The following NRBF2 variants were observed in gnomAD, a reference collection of about 807,000 sequenced individuals.
The protein encoded by NRBF2 is nuclear receptor-binding factor 2.
Under a neutral mutation model 28.5 loss-of-function variants are expected in NRBF2, and 12 were observed. The ratio of observed to expected loss-of-function variants is 0.42; its 90% CI spans 0.27 to 0.68. The LOEUF (loss-of-function observed/expected upper bound fraction) is 0.68. Among genes scored for constraint, NRBF2 ranks in the 30% least tolerant of loss-of-function variants. NRBF2 has a pLI of 0.24. For missense variants in NRBF2, 274 were observed against 333.5 expected (o/e 0.82, Z 1.39); for synonymous variants, 102 against 116.5 (o/e 0.88, Z 0.80).
At chr10:63,147,144 T>C (rs901981631) in intron 2 of NRBF2, among the ~76,000 whole-genome samples, 1 of 152,160 alleles carries the variant, frequency 6.6e-6, no homozygotes, top group African/African-American at 2.4e-5. Flanking sequence ...GGCAGGCATG[T>C]TCCTTTCCCT....
chr10:63,153,722 C>T lies in NRBF2; in HGVS notation c.368C>T (p.Thr123Ile). The T allele has an allele frequency of 6.2e-7, 1 of 1,612,462 alleles. No homozygotes were observed. The highest frequency in any genetic ancestry group is 8.5e-7 in the Non-Finnish European group (1 of 1,179,700). ...CTTTCTCAGAAGTACAGCCCTTCCA[C>T]AGAGAAATGCCTGCCTGAGATTCAG... ...SPLSQKYSPS[T>I]EKCLPEIQGI... Residue 123 changes from threonine (T) to isoleucine (I), a missense_variant, in exon 4 of 4, where the codon ACA becomes ATA. Thr to Ile is a moderately conservative substitution (Grantham distance 89). Coordinates refer to ENST00000277746, the MANE Select transcript of NRBF2 (RefSeq NM_030759.5).
intron 3 of NRBF2, among the ~76,000 whole-genome samples, chr10:63,152,888 T>C (rs929206180): frequency 6.6e-6 from 1 of 152,300 alleles, no homozygotes; most frequent in South Asian, 2.1e-4. Flanking sequence ...TTCTAGCTAC[T>C]TGGGAGGTTG....
At chr10:63,143,459 A>G (rs767398070) in intron 1 of NRBF2, among the ~76,000 whole-genome samples, 58 of 152,162 alleles carry the variant, frequency 3.8e-4, no homozygotes, top group Non-Finnish European at 4.6e-4. Flanking sequence ...CTGACAGAAC[A>G]GATTTGTTTT....
chr10:63,146,977 G>A (rs984449328), intron 2 of NRBF2, among the ~76,000 whole-genome samples: 1 of 152,106 alleles, frequency 6.6e-6, no homozygotes, highest in Non-Finnish European at 1.5e-5. Flanking sequence ...TGTTGGCTGA[G>A]TAACCAAAAA....
chr10:63,152,785 C>T (rs1354444031), intron 3 of NRBF2, among the ~76,000 whole-genome samples: 2 of 152,098 alleles, frequency 1.3e-5, no homozygotes, highest in Admixed American at 1.3e-4. Context: ...TCACTTGAGC[C>T]CAGGAGTTCG....
Position 63,152,202 on chromosome 10 carries a change from TC to T in NRBF2, c.156+15del. 2 of 1,611,184 alleles carry T rather than the reference TC, an allele frequency of 1.2e-6. No individual in the cohort carries two copies. The highest frequency in any genetic ancestry group is 1.7e-6 in the Non-Finnish European group (2 of 1,177,616). ...CACAGTCAGAGCAGGTGAGACATAT[TC>T]CCAATATTTGCGACAAGGGTTAGAA... On this transcript the variant is annotated intron_variant, in intron 3 of 3. Coordinates refer to ENST00000277746, the MANE Select transcript of NRBF2 (RefSeq NM_030759.5).
chr10:63,140,705 C>CTTT (rs201387308), intron 1 of NRBF2, among the ~76,000 whole-genome samples: 1 of 144,964 alleles, frequency 6.9e-6, no homozygotes, highest in South Asian at 2.2e-4. Context: ...CAGCCTATTA[C>CTTT]TTTTTTTTTT....
chr10:63,142,830 G>C (rs1841498035), intron 1 of NRBF2, among the ~76,000 whole-genome samples: 1 of 116,348 alleles, frequency 8.6e-6, no homozygotes, highest in Non-Finnish European at 1.6e-5. Context: ...GCCCAGGCTA[G>C]AGTGCAGTAG....
chr10:63,144,354 T>C (rs1483568721), intron 1 of NRBF2, among the ~76,000 whole-genome samples: 1 of 152,198 alleles, frequency 6.6e-6, no homozygotes, highest in Non-Finnish European at 1.5e-5. Context: ...GACTGGCTTA[T>C]TTTATTCAGT....
intron 2 of NRBF2, among the ~76,000 whole-genome samples, chr10:63,151,488 T>C (rs1056115349): frequency 6.6e-6 from 1 of 152,228 alleles, no homozygotes; most frequent in Non-Finnish European, 1.5e-5. Context: ...TGCATATTTT[T>C]TTAAGAACTT....
rs753996290 is a variant in NRBF2, at chr10:63,152,135, T to G, written c.116-15T>G. On this transcript the variant is annotated splice_polypyrimidine_tract_variant and intron_variant, in intron 2 of 3. Coordinates refer to ENST00000277746, the MANE Select transcript of NRBF2 (RefSeq NM_030759.5). ...TGAAGACACATATTAACATGCCTAT[T>G]TTTTCTCTTAACAGCATATCTTTCT... 13 of 1,607,990 alleles carry G rather than the reference T, an allele frequency of 8.1e-6. No homozygotes were observed. Among genetic ancestry groups the G allele is most frequent in the Admixed American group, 1.7e-5 (1 of 59,904 alleles).
intron 2 of NRBF2, chr10:63,150,419 T>A (rs532824136): frequency 1.1e-4 from 97 of 886,174 alleles, no homozygotes; most frequent in South Asian, 7.3e-4. Flanking sequence ...TTTTTTTTTT[T>A]AAATTCTTTT....
At chr10:63,150,992 T>C (rs1372431005) in intron 2 of NRBF2, among the ~76,000 whole-genome samples, 3 of 152,178 alleles carry the variant, frequency 2.0e-5, no homozygotes, top group Non-Finnish European at 4.4e-5. Flanking sequence ...AGATGAAACT[T>C]CACTGGCTTG....
intron 1 of NRBF2, among the ~76,000 whole-genome samples, chr10:63,143,113 C>T (rs1409370824): frequency 6.6e-6 from 1 of 152,020 alleles, no homozygotes; most frequent in Non-Finnish European, 1.5e-5. Context: ...TATTGTTGTT[C>T]CCAGGCATAT....
intron 1 of NRBF2, among the ~76,000 whole-genome samples, chr10:63,143,575 T>A (rs1841509151): frequency 6.6e-6 from 1 of 151,574 alleles, no homozygotes; most frequent in Admixed American, 6.6e-5. Flanking sequence ...ATTCTCTTGC[T>A]TCAGCCTCCC....
chr10:63,142,772 C>CTT (rs1203907261), intron 1 of NRBF2, among the ~76,000 whole-genome samples: 1 of 60,214 alleles, frequency 1.7e-5, no homozygotes, highest in Non-Finnish European at 3.1e-5. Context: ...TCTTTTCTTT[C>CTT]TTTCTTTCTT....
chr10:63,146,998 C>T (rs1332890152), intron 2 of NRBF2, among the ~76,000 whole-genome samples: 1 of 152,026 alleles, frequency 6.6e-6, no homozygotes, highest in Non-Finnish European at 1.5e-5. Flanking sequence ...ACTTTGGGTC[C>T]TCGTTAGTGT....
chr10:63,144,744 C>T, intron 1 of NRBF2, among the ~76,000 whole-genome samples: 1 of 152,088 alleles, frequency 6.6e-6, no homozygotes, highest in Non-Finnish European at 1.5e-5. Context: ...AAGACAGTAC[C>T]TTTCCATTGT....
intron 1 of NRBF2, among the ~76,000 whole-genome samples, chr10:63,142,126 A>G (rs1468258442): frequency 6.6e-6 from 1 of 152,168 alleles, no homozygotes; most frequent in Non-Finnish European, 1.5e-5. Context: ...GAAGAAAGTG[A>G]TTGAAATCAT....
Sources: gnomAD v4.1 joint callset for allele counts (sites outside exome capture counted in the v4.1 genomes callset) on GRCh38, gnomAD v4.1.1 for gene constraint, MANE v1.5 for transcripts, NCBI Gene and HGNC (gene_info 2026-07-23, HGNC 2026-07-21) for gene names.